The following BMP2K variants were observed in gnomAD, a reference collection of about 807,000 sequenced individuals.
The protein encoded by BMP2K is BMP2 inducible kinase, also known as BMP-2-inducible protein kinase.
Under a neutral mutation model 116.0 loss-of-function variants are expected in BMP2K, and 74 were observed. That is an observed-to-expected ratio of 0.64 (90% CI 0.53 to 0.77). BMP2K has a LOEUF of 0.77. Ranked by LOEUF, BMP2K falls within the 30% of genes least tolerant of loss-of-function variation. The probability of loss-of-function intolerance (pLI) is 0.00; values close to 1 mark genes in which losing one functional copy is unlikely to be tolerated. For synonymous variants in BMP2K, 486 were observed against 502.5 expected, an observed-to-expected ratio of 0.97 and a Z score of 0.44; for missense variants, 1,365 against 1,403.6, an observed-to-expected ratio of 0.97 and a Z score of 0.44.
chr4:78,780,383 G>T (rs1560496058), intron 1 of BMP2K, among the ~76,000 whole-genome samples: 2 of 152,096 alleles, frequency 1.3e-5, no homozygotes, highest in African/African-American at 4.8e-5. Flanking sequence ...TGGAGGCCAG[G>T]AATTTACTAC....
At chr4:78,899,844 T>C (rs930566830) in intron 15 of BMP2K, among the ~76,000 whole-genome samples, 2 of 152,032 alleles carry the variant, frequency 1.3e-5, no homozygotes, top group Non-Finnish European at 2.9e-5. Context: ...GAAGTTGAGA[T>C]ATTAGCAACA....
chr4:78,818,827 T>G (rs1393118659), intron 1 of BMP2K, among the ~76,000 whole-genome samples: 1 of 151,232 alleles, frequency 6.6e-6, no homozygotes, highest in Non-Finnish European at 1.5e-5. Context: ...GACAGAGTCT[T>G]GCTTTGTCGC....
At chr4:78,847,366 A>G (rs546005636) in intron 6 of BMP2K, 97 bp downstream of exon 6, 58 of 774,136 alleles carry the variant, frequency 7.5e-5, no homozygotes, top group South Asian at 2.4e-4. Flanking sequence ...GCATTTCCTA[A>G]TAAGTAGAAG....
At chr4:78,873,656 CTCTGTGTGTGTGTGTG>C (rs796871376) in intron 13 of BMP2K, among the ~76,000 whole-genome samples, 3,371 of 138,180 alleles carry the variant, frequency 0.024, 54 homozygotes, top group Middle Eastern at 0.052. Context: ...GCCTCCCAAC[CTCTGTGTGTGTGTGTG>C]TGTGTGTGTG....
intron 8 of BMP2K, among the ~76,000 whole-genome samples, chr4:78,860,770 CTTTTTTTTTTTTTT>C (rs139384663): frequency 9.8e-6 from 1 of 101,920 alleles, no homozygotes; most frequent in African/African-American, 4.1e-5. Flanking sequence ...GGTACCTTTC[CTTTTTTTTTTTTTT>C]TTTTTTTTTG....
At chr4:78,860,526 ATAGT>A (rs769352767) in intron 8 of BMP2K, among the ~76,000 whole-genome samples, 13 of 151,844 alleles carry the variant, frequency 8.6e-5, no homozygotes, top group South Asian at 2.1e-4. Context: ...TCAGTTGGCA[ATAGT>A]TAGTATTATT....
rs1734434968 is a variant in BMP2K, at chr4:78,909,069, T to C, written c.2063-1541T>C. Among the ~76,000 whole-genome samples the C allele has an allele frequency of 2.0e-5, 3 of 148,956 alleles. No individual in the cohort carries two copies. The South Asian group carries it at 6.5e-4, about 32-fold the overall frequency. On this transcript the variant is annotated intron_variant, in intron 15 of 15. Transcript: ENST00000502613. ...CTTCCCTTAGTCTTTTTTTTTTTTT[T>C]TTTTTTTTTTGAGACAGTTCGCTCT...
intron 1 of BMP2K, among the ~76,000 whole-genome samples, chr4:78,801,796 C>T (rs1356985427): frequency 6.6e-6 from 1 of 152,170 alleles, no homozygotes; most frequent in African/African-American, 2.4e-5. Context: ...ACTGTCTTCT[C>T]TCCTCTTGAG....
chr4:78,907,034 A>G (rs920537152), intron 15 of BMP2K, among the ~76,000 whole-genome samples: 1 of 152,184 alleles, frequency 6.6e-6, no homozygotes, highest in Non-Finnish European at 1.5e-5. Context: ...TACTCCTTGA[A>G]GGAAAAAGTG....
In BMP2K at chr4:78,865,419, G is replaced by A. The variant is rs576177580; in HGVS notation, c.1068-138G>A. ...GTAAACGTTTAATACTTGAAAATGA[G>A]CCTTAGGAGAAAGATGAGGACTAAT... On this transcript the variant is annotated intron_variant, in intron 9 of 15. Transcript: ENST00000502613. The A allele has an allele frequency of 7.9e-5, 61 of 773,200 alleles. No homozygotes were observed. The African/African-American group carries it at 1.0e-3, about 13-fold the overall frequency. 47.9% of individuals were successfully genotyped at this position (773,200 alleles called of 1,614,324 possible). A position where few individuals can be genotyped will look rare whatever the true frequency, so the allele number is the denominator to read the frequency against.
intron 5 of BMP2K, among the ~76,000 whole-genome samples, chr4:78,846,223 A>G (rs1560526561): frequency 6.6e-6 from 1 of 151,576 alleles, no homozygotes; most frequent in Non-Finnish European, 1.5e-5. Context: ...CAATTAATGG[A>G]CTTACCATTC....
At chr4:78,886,828 G>A (rs1301952595) in intron 14 of BMP2K, among the ~76,000 whole-genome samples, 1 of 152,136 alleles carries the variant, frequency 6.6e-6, no homozygotes, top group Non-Finnish European at 1.5e-5. Context: ...TATTTTTGGA[G>A]ACTGTCTGTC....
At chr4:78,891,324 T>G (rs1378931446) in intron 15 of BMP2K, among the ~76,000 whole-genome samples, 1 of 152,148 alleles carries the variant, frequency 6.6e-6, no homozygotes, top group Non-Finnish European at 1.5e-5. Context: ...CCATGGACAT[T>G]TGTAGCATCT....
In BMP2K at chr4:78,842,409, A is replaced by C. The variant is rs752781019; in HGVS notation, c.428A>C (p.Asn143Thr). The C allele has an allele frequency of 4.4e-6, 7 of 1,603,336 alleles. No individual in the cohort carries two copies. The South Asian group carries it at 7.8e-5, about 18-fold the overall frequency. The change falls in exon 4 of 16, where the codon AAT becomes ACT. Residue 143 changes from asparagine to threonine, a missense_variant. Around this residue, in one of 3 missense-constraint regions of BMP2K, gnomAD observed 762 missense variants for 756.7 expected, o/e 1.01. Transcript: ENST00000502613. ...CRAGQVVNQMNKKLQTGFTEP... is the reference protein window; with the variant it reads ...CRAGQVVNQMTKKLQTGFTEP... ...GCTGGACAGGTAGTGAATCAAATGA[A>C]TAAGAAGCTACAGACGGGTTTTACA...
chr4:78,847,138 T>TA (rs1731041390), intron 5 of BMP2K, 50 bp from the exon 6 acceptor site: 2 of 1,027,900 alleles, frequency 1.9e-6, no homozygotes, highest in South Asian at 3.2e-5. Flanking sequence ...TCTGTCTTTT[T>TA]TTTATATATA....
intron 1 of BMP2K, among the ~76,000 whole-genome samples, chr4:78,807,521 A>G (rs896264414): frequency 2.0e-5 from 3 of 151,816 alleles, no homozygotes; most frequent in Admixed American, 1.3e-4. Flanking sequence ...ATTTGATGGA[A>G]TTTATTAGTA....
Position 78,872,885 on chromosome 4 carries a change from T to G in BMP2K, c.1793+87T>G, listed in dbSNP as rs569444434. The G allele has an allele frequency of 3.7e-6, 5 of 1,357,540 alleles. No homozygotes were observed. The East Asian group carries it at 6.9e-5, about 19-fold the overall frequency. 84.1% of individuals were successfully genotyped at this position (1,357,540 alleles called of 1,614,324 possible). A position where few individuals can be genotyped will look rare whatever the true frequency, so the allele number is the denominator to read the frequency against. On this transcript the variant is annotated intron_variant, in intron 13 of 15. Transcript: ENST00000502613. ...GGTCGGTCATTAAGTTCTCTTAAAT[T>G]AGTTTAGAATTTATCTTTCTGTAGA... is the stretch of plus-strand genomic sequence containing the variant.
intron 15 of BMP2K, chr4:78,898,809 C>T (rs960253432): frequency 1.3e-5 from 2 of 152,034 alleles, no homozygotes; most frequent in Non-Finnish European, 2.9e-5. Context: ...AAACCTATTG[C>T]TTCACTACTT....
At chr4:78,809,686 G>GTT (rs77902658) in intron 1 of BMP2K, among the ~76,000 whole-genome samples, 277 of 130,346 alleles carry the variant, frequency 2.1e-3, no homozygotes, top group African/African-American at 7.1e-3. Flanking sequence ...GGTTTAAAGT[G>GTT]TTTTTTTTTT....
Sources: gnomAD v4.1 joint callset for allele counts (sites outside exome capture counted in the v4.1 genomes callset) on GRCh38, gnomAD v4.1.1 for gene constraint, gnomAD v4.1.1 regional missense constraint, MANE v1.5 for transcripts, NCBI Gene and HGNC (gene_info 2026-07-23, HGNC 2026-07-21) for gene names.